TADA2A: variants seen among roughly 807,000 people sequenced by gnomAD.
TADA2A encodes the protein transcriptional adapter 2-alpha.
TADA2A carries 38 observed loss-of-function variants against 67.4 expected under a neutral mutation model. The observed-to-expected ratio is 0.56, with a 90% confidence interval of 0.44 to 0.74. TADA2A has a LOEUF of 0.74. Among genes scored for constraint, TADA2A ranks in the 30% least tolerant of loss-of-function variants. TADA2A has a pLI of 0.00. For synonymous variants in TADA2A, 192 were observed against 181.6 expected (o/e 1.06, Z -0.46); for missense variants, 454 against 547.0 (o/e 0.83, Z 1.70).
intron 3 of TADA2A, among the ~76,000 whole-genome samples, chr17:37,425,442 T>A (rs539420799): frequency 8.5e-5 from 13 of 152,292 alleles, no homozygotes; most frequent in South Asian, 8.3e-4. Flanking sequence ...GTACCTATGA[T>A]TAGTATCCCC....
chr17:37,410,340 CTTT>C (rs35659950), intron 1 of TADA2A, among the ~76,000 whole-genome samples: 19 of 142,374 alleles, frequency 1.3e-4, no homozygotes, highest in East Asian at 4.2e-4. Context: ...ACCCGGCTAA[CTTT>C]TTTTTTTTTT....
At position 37,465,435 on chromosome 17, in the gene TADA2A, G is replaced by A; in HGVS notation, c.717G>A (p.Met239Ile). Residue 239 changes from methionine to isoleucine, a missense_variant, in exon 11 of 16, where the codon ATG (methionine) becomes ATA (isoleucine). This residue lies in a region of TADA2A where 403 missense variants were observed against 455.5 expected (regional missense o/e 0.88). Coordinates refer to ENST00000615182, the MANE Select transcript of TADA2A (RefSeq NM_001166105.3). ...TATGTTTTATTTTCTCTGTAGTAAT[G>A]GAACGGCGGTATCCCAAGGAGGTCC... ...GLINLRKFQL[M>I]ERRYPKEVQD... 1 of 1,610,474 alleles carries A rather than the reference G, an allele frequency of 6.2e-7. No homozygotes were observed. The highest frequency in any genetic ancestry group is 2.2e-5 in the East Asian group (1 of 44,808).
At chr17:37,436,853 T>C (rs1040563041) in intron 4 of TADA2A, among the ~76,000 whole-genome samples, 5 of 151,756 alleles carry the variant, frequency 3.3e-5, no homozygotes, top group African/African-American at 1.2e-4. Context: ...TCCTCTTTCT[T>C]AGCTAAATGG....
At chr17:37,428,462 C>CAGA (rs2052473016) in intron 4 of TADA2A, among the ~76,000 whole-genome samples, 1 of 152,210 alleles carries the variant, frequency 6.6e-6, no homozygotes, top group Non-Finnish European at 1.5e-5. Context: ...CCCCCTTTCT[C>CAGA]CATCCTCAAA....
At chr17:37,439,970 T>G (rs2052863118) in intron 5 of TADA2A, among the ~76,000 whole-genome samples, 1 of 148,454 alleles carries the variant, frequency 6.7e-6, no homozygotes. Flanking sequence ...TGAGATGGAG[T>G]TTCGCTCTTG....
intron 3 of TADA2A, 109 bp downstream of exon 3, chr17:37,423,724 C>T: frequency 2.7e-6 from 2 of 736,966 alleles, no homozygotes; most frequent in South Asian, 2.4e-5. Flanking sequence ...CTTATTAAAT[C>T]TATTCCTTCC....
intron 7 of TADA2A, among the ~76,000 whole-genome samples, chr17:37,443,625 C>G (rs1053924660): frequency 6.6e-6 from 1 of 152,220 alleles, no homozygotes; most frequent in African/African-American, 2.4e-5. Flanking sequence ...CAAACTTATT[C>G]TATTAAAGGC....
chr17:37,458,608 T>C (rs773327372), intron 9 of TADA2A, 21 bp downstream of exon 9: 2 of 1,601,804 alleles, frequency 1.2e-6, no homozygotes, highest in South Asian at 1.1e-5. Flanking sequence ...AAAACCATCC[T>C]GGCCTCCTTT....
In TADA2A at chr17:37,426,697, A is replaced by G. The variant is rs113605730; in HGVS notation, c.133-253A>G. 977 of 313,642 alleles carry G rather than the reference A, an allele frequency of 3.1e-3. 5 individuals carry two copies. The highest frequency in any genetic ancestry group is 0.017 in the African/African-American group (783 of 45,782). The allele number at this position is 313,642 out of a possible 1,614,324, so 19.4% of individuals were successfully genotyped here. ...AAAAAAAAAAAAAAAAAACTTGTCA[A>G]GAAGTGGTGTGGTGGCCCACACCTG... On this transcript the variant is annotated intron_variant, in intron 3 of 15. Coordinates refer to ENST00000615182, the MANE Select transcript of TADA2A (RefSeq NM_001166105.3).
At chr17:37,461,052 T>C (rs936185729) in intron 9 of TADA2A, among the ~76,000 whole-genome samples, 2 of 152,128 alleles carry the variant, frequency 1.3e-5, no homozygotes, top group Admixed American at 6.6e-5. Context: ...CCTCAACCTT[T>C]TTGGCATCAG....
chr17:37,411,472 G>A, intron 2 of TADA2A, 82 bp downstream of exon 2: 7 of 1,337,498 alleles, frequency 5.2e-6, no homozygotes, highest in Non-Finnish European at 7.5e-6. Context: ...GCCCAGGCTG[G>A]GGTACAGTGG....
In TADA2A at chr17:37,411,421, CTT is replaced by C. The variant is rs905532978; in HGVS notation, c.25+32_25+33del. 7 of 1,602,192 alleles carry C rather than the reference CTT, an allele frequency of 4.4e-6. No individual in the cohort carries two copies. The Admixed American group carries it at 6.7e-5, about 15-fold the overall frequency. ...TACAGTGGGAACAAGTCTCAGGTGA[CTT>C]ATTATTATTTTTTTTTTGAGATGGA... On this transcript the variant is annotated intron_variant, in intron 2 of 15. Transcript: ENST00000615182.
intron 4 of TADA2A, among the ~76,000 whole-genome samples, chr17:37,427,518 G>T (rs2052444208): frequency 6.6e-6 from 1 of 152,148 alleles, no homozygotes; most frequent in Non-Finnish European, 1.5e-5. Context: ...AGGCAGACTG[G>T]TTTATAAGCT....
chr17:37,476,779 A>T lies in TADA2A; in HGVS notation c.1147-18A>T. The T allele has an allele frequency of 1.3e-6, 2 of 1,586,326 alleles. No individual in the cohort carries two copies. Among genetic ancestry groups the T allele is most frequent in the Non-Finnish European group, 1.7e-6 (2 of 1,163,754 alleles). On this transcript the variant is annotated intron_variant, in intron 15 of 15. Coordinates refer to ENST00000615182, the MANE Select transcript of TADA2A (RefSeq NM_001166105.3). ...AATGACAGATGTTAATGTTTATTAA[A>T]TTTGCCGTGTCTTGCAGCTCTGTCA...
In TADA2A at chr17:37,469,704, C is replaced by T. The variant is rs571723629; in HGVS notation, c.896-696C>T. On this transcript the variant is annotated intron_variant, in intron 12 of 15. Coordinates refer to ENST00000615182, the MANE Select transcript of TADA2A (RefSeq NM_001166105.3). ...CAATTTATGTGTAGAGCCCAGGACC[C>T]GCCGGTATCTGGCAGTGCCCTTTCT... Among the ~76,000 whole-genome samples, 38 of 152,286 alleles carry T rather than the reference C, an allele frequency of 2.5e-4. No homozygotes were observed. The South Asian group carries it at 5.8e-3, about 23-fold the overall frequency.
chr17:37,471,705 C>T (rs1227724337), intron 14 of TADA2A, among the ~76,000 whole-genome samples: 1 of 152,060 alleles, frequency 6.6e-6, no homozygotes, highest in African/African-American at 2.4e-5. Context: ...ACGGTTTTGC[C>T]ATGTTGGCCA....
intron 3 of TADA2A, among the ~76,000 whole-genome samples, chr17:37,423,899 A>G (rs1479435270): frequency 6.6e-6 from 1 of 151,432 alleles, no homozygotes; most frequent in African/African-American, 2.4e-5. Context: ...ACAGGCACAC[A>G]CCATTATGCC....
At chr17:37,411,963 C>T (rs1300366504) in intron 2 of TADA2A, among the ~76,000 whole-genome samples, 1 of 151,576 alleles carries the variant, frequency 6.6e-6, no homozygotes, top group Non-Finnish European at 1.5e-5. Context: ...GTAATCCCAG[C>T]ACTTTGGGAG....
At chr17:37,407,150 G>T in intron 1 of TADA2A, 1 of 149,952 alleles carries the variant, frequency 6.7e-6, no homozygotes, top group South Asian at 2.0e-4. Context: ...TGTGGGGGAG[G>T]GCGGTGTGGG....
Sources: gnomAD v4.1 joint callset for allele counts (sites outside exome capture counted in the v4.1 genomes callset) on GRCh38, gnomAD v4.1.1 for gene constraint, gnomAD v4.1.1 regional missense constraint, MANE v1.5 for transcripts, NCBI Gene and HGNC (gene_info 2026-07-23, HGNC 2026-07-21) for gene names.